The following ADGRB3 variants were observed in gnomAD, a reference collection of about 807,000 sequenced individuals.
ADGRB3 encodes brain-specific angiogenesis inhibitor 3.
Under a neutral mutation model 193.4 loss-of-function variants are expected in ADGRB3, and 37 were observed. That is an observed-to-expected ratio of 0.19 (90% CI 0.15 to 0.25). ADGRB3 has a LOEUF of 0.25. Ranked by LOEUF, ADGRB3 falls within the 10% of genes least tolerant of loss-of-function variation. ADGRB3 has a pLI of 1.00. For synonymous variants in ADGRB3, 690 were observed against 644.2 expected (o/e 1.07, Z -1.08); for missense variants, 1,637 against 1,852.9 (o/e 0.88, Z 2.14).
intron 3 of ADGRB3, among the ~76,000 whole-genome samples, chr6:68,856,172 CT>C (rs1764981956): frequency 6.6e-6 from 1 of 152,118 alleles, no homozygotes; most frequent in Admixed American, 6.6e-5. Context: ...CATTAACCCT[CT>C]TTCTTTTGTA....
At chr6:68,783,808 T>C (rs1766906246) in intron 3 of ADGRB3, among the ~76,000 whole-genome samples, 1 of 152,072 alleles carries the variant, frequency 6.6e-6, no homozygotes, top group Non-Finnish European at 1.5e-5. Flanking sequence ...GTCACTATTA[T>C]GACATGTTTG....
At chr6:68,699,359 G>A (rs904315283) in intron 3 of ADGRB3, among the ~76,000 whole-genome samples, 21 of 152,092 alleles carry the variant, frequency 1.4e-4, no homozygotes, top group Admixed American at 5.2e-4. Flanking sequence ...TCAGAGATCA[G>A]TATTTCAAAG....
At chr6:69,015,839 A>T (rs964914428) in intron 12 of ADGRB3, among the ~76,000 whole-genome samples, 1 of 151,904 alleles carries the variant, frequency 6.6e-6, no homozygotes, top group Non-Finnish European at 1.5e-5. Flanking sequence ...GTAGTCTACT[A>T]AAGTTAAAAA....
chr6:68,944,090 G>C, intron 6 of ADGRB3, 96 bp downstream of exon 6: 1 of 1,318,628 alleles, frequency 7.6e-7, no homozygotes, highest in Admixed American at 2.2e-5. Flanking sequence ...CCTTCATTCA[G>C]TCACGTTGGG....
At chr6:68,976,952 A>AT (rs566356015) in intron 10 of ADGRB3, among the ~76,000 whole-genome samples, 1 of 148,242 alleles carries the variant, frequency 6.7e-6, no homozygotes, top group Non-Finnish European at 1.5e-5. Context: ...AAAAATATAT[A>AT]TTTTTTTATA....
intron 17 of ADGRB3, among the ~76,000 whole-genome samples, chr6:69,119,905 A>G (rs1260351354): frequency 1.3e-5 from 2 of 152,186 alleles, no homozygotes; most frequent in Non-Finnish European, 2.9e-5. Flanking sequence ...TGTGTTGGCA[A>G]TGGGTTATTT....
chr6:69,252,364 T>G, intron 20 of ADGRB3, among the ~76,000 whole-genome samples: 1 of 152,174 alleles, frequency 6.6e-6, no homozygotes. Context: ...TGTTTCAAAA[T>G]TTTTGTAAAA....
At chr6:68,812,506 T>C (rs1767530877) in intron 3 of ADGRB3, among the ~76,000 whole-genome samples, 2 of 152,166 alleles carry the variant, frequency 1.3e-5, no homozygotes, top group African/African-American at 4.8e-5. Flanking sequence ...CTCTTAGTTA[T>C]GTATCCATTG....
At chr6:68,647,143 A>G (rs1378735327) in intron 3 of ADGRB3, among the ~76,000 whole-genome samples, 2 of 152,322 alleles carry the variant, frequency 1.3e-5, no homozygotes, top group South Asian at 2.1e-4. Flanking sequence ...TACATTAAGC[A>G]TGGATTTCTT....
At chr6:69,211,323 C>A (rs999344918) in intron 17 of ADGRB3, among the ~76,000 whole-genome samples, 17 of 152,090 alleles carry the variant, frequency 1.1e-4, no homozygotes, top group African/African-American at 3.9e-4. Flanking sequence ...GGAATCTATA[C>A]CCCTGATGCA....
At chr6:69,304,536 T>C (rs1768023850) in intron 20 of ADGRB3, among the ~76,000 whole-genome samples, 1 of 151,692 alleles carries the variant, frequency 6.6e-6, no homozygotes, top group Non-Finnish European at 1.5e-5. Flanking sequence ...TGTTTTAATT[T>C]TAGTTAGCTA....
chr6:69,005,547 CTT>C (rs3839461), intron 11 of ADGRB3, among the ~76,000 whole-genome samples: 1 of 152,116 alleles, frequency 6.6e-6, no homozygotes, highest in Non-Finnish European at 1.5e-5. Flanking sequence ...TTCTTAAAGA[CTT>C]TTTTCACATG....
chr6:68,886,573 G>T (rs1765913339), intron 3 of ADGRB3, among the ~76,000 whole-genome samples: 2 of 151,934 alleles, frequency 1.3e-5, no homozygotes, highest in African/African-American at 4.8e-5. Flanking sequence ...CCTCCAACCA[G>T]AATATTGTCT....
At chr6:68,703,369 A>G (rs1427662045) in intron 3 of ADGRB3, among the ~76,000 whole-genome samples, 1 of 152,168 alleles carries the variant, frequency 6.6e-6, no homozygotes, top group Non-Finnish European at 1.5e-5. Context: ...GTGTGGGTCA[A>G]AGAAGTATAA....
chr6:68,821,227 G>T (rs1485667574), intron 3 of ADGRB3, among the ~76,000 whole-genome samples: 2 of 151,844 alleles, frequency 1.3e-5, no homozygotes, highest in Non-Finnish European at 2.9e-5. Context: ...TCTTGCAGCA[G>T]TTATATTATT....
At chr6:69,051,546 T>G (rs1771394022) in intron 15 of ADGRB3, among the ~76,000 whole-genome samples, 1 of 152,156 alleles carries the variant, frequency 6.6e-6, no homozygotes, top group Non-Finnish European at 1.5e-5. Context: ...CAGGATGAAA[T>G]ATTTGTTAAG....
At chr6:69,213,314 C>T (rs1414408915) in intron 17 of ADGRB3, among the ~76,000 whole-genome samples, 1 of 152,144 alleles carries the variant, frequency 6.6e-6, no homozygotes, top group Non-Finnish European at 1.5e-5. Flanking sequence ...CTACCTATTT[C>T]CCTGGTTCCA....
intron 17 of ADGRB3, among the ~76,000 whole-genome samples, chr6:69,166,954 A>G (rs1056617644): frequency 2.6e-5 from 4 of 152,202 alleles, no homozygotes; most frequent in African/African-American, 7.2e-5. Context: ...ATGTTTGATG[A>G]TGTTCAAGTT....
intron 3 of ADGRB3, among the ~76,000 whole-genome samples, chr6:68,695,488 A>T (rs756460867): frequency 6.6e-6 from 1 of 152,062 alleles, no homozygotes; most frequent in African/African-American, 2.4e-5. Context: ...GTAGATTACC[A>T]GTCTCTTATG....
Sources: allele counts gnomAD v4.1 joint callset (sites outside exome capture counted in the v4.1 genomes callset), GRCh38; gene constraint gnomAD v4.1.1; transcripts MANE v1.5; gene names NCBI Gene and HGNC (gene_info 2026-07-23, HGNC 2026-07-21).